The following CUBN variants were observed in gnomAD, a reference collection of about 807,000 sequenced individuals.
CUBN encodes the protein 460 kDa receptor.
Under a neutral mutation model 405.3 loss-of-function variants are expected in CUBN, and 282 were observed. The ratio of observed to expected loss-of-function variants is 0.70; its 90% CI spans 0.63 to 0.77. The LOEUF (loss-of-function observed/expected upper bound fraction) is 0.77. Ranked by LOEUF, CUBN falls within the 30% of genes least tolerant of loss-of-function variation. CUBN has a pLI of 0.00. For missense variants in CUBN, 4,514 were observed against 4,475.2 expected, an observed-to-expected ratio of 1.01 and a Z score of -0.25; for synonymous variants, 1,684 against 1,617.0, an observed-to-expected ratio of 1.04 and a Z score of -0.99.
At chr10:16,898,550 A>G (rs1021933873) in intron 54 of CUBN, among the ~76,000 whole-genome samples, 5 of 152,230 alleles carry the variant, frequency 3.3e-5, no homozygotes, top group African/African-American at 9.6e-5. Flanking sequence ...GTCACAAGTC[A>G]GTGGAAAGTG....
chr10:16,899,213 A>G lies in CUBN; in HGVS notation c.8411-30T>C, dbSNP rs775417163. On this transcript the variant is annotated intron_variant, in intron 53 of 66. Transcript: ENST00000377833. ...AATATTGCCATGTAAAAAGCCATCA[A>G]TCAGCAAGGAAAGTAATTTTGGAAA... 3 of 1,578,580 alleles carry G rather than the reference A, an allele frequency of 1.9e-6. No homozygotes were observed. In the South Asian group the frequency reaches 3.3e-5, roughly 17 times the overall value.
At chr10:16,940,514 A>C (rs551819557) in intron 36 of CUBN, among the ~76,000 whole-genome samples, 172 of 152,354 alleles carry the variant, frequency 1.1e-3, no homozygotes, top group South Asian at 2.1e-3. Context: ...ATAAGGCAGA[A>C]TAGTGTGAGT....
intron 14 of CUBN, among the ~76,000 whole-genome samples, chr10:17,092,069 T>C (rs1019644733): frequency 2.6e-5 from 4 of 152,190 alleles, no homozygotes; most frequent in Admixed American, 1.3e-4. Flanking sequence ...AACATCTTCC[T>C]GGCAAACCCC....
At chr10:16,904,157 T>G (rs780121128) in intron 50 of CUBN, 42 bp from the exon 51 acceptor site, 1 of 1,581,632 alleles carries the variant, frequency 6.3e-7, no homozygotes, top group South Asian at 1.1e-5. Flanking sequence ...TGATACAGCT[T>G]TTGAGAAATA....
chr10:17,103,270 A>T, intron 12 of CUBN, 33 bp from the exon 13 acceptor site: 1 of 1,375,158 alleles, frequency 7.3e-7, no homozygotes, highest in Non-Finnish European at 1.0e-6. Context: ...TGCTTTTCAG[A>T]GGTTCCTAAA....
intron 62 of CUBN, among the ~76,000 whole-genome samples, chr10:16,836,786 G>T (rs1045396493): frequency 1.3e-5 from 2 of 152,126 alleles, no homozygotes; most frequent in Non-Finnish European, 2.9e-5. Context: ...CCCTGATCCA[G>T]CCCTTGCTAC....
In CUBN at chr10:17,085,750, C is replaced by T. The variant is rs759953645; in HGVS notation, c.1957G>A (p.Gly653Ser). The change falls in exon 16 of 67, where the codon GGT (glycine) becomes AGT (serine). Residue 653 changes from glycine to serine, a missense_variant. Around this residue, in one of 5 missense-constraint regions of CUBN, gnomAD observed 1,448 missense variants for 1,388.0 expected, o/e 1.04. Transcript: ENST00000377833. ...AGAAGGGGGTCCTGATACAAAGGAC[C>T]ATCTCGAATCTAAAACAAAAGGATG... is the stretch of plus-strand genomic sequence containing the variant. ...CNKDYLEIRDGPLYQDPLLGK... is the reference protein window; with the variant it reads ...CNKDYLEIRDSPLYQDPLLGK... 3.5e-5 allele frequency: 56 copies of T among 1,613,700 alleles called. No homozygotes were observed. Among genetic ancestry groups the T allele is most frequent in the Non-Finnish European group, 2.5e-6 (3 of 1,179,888 alleles).
At chr10:16,976,438 T>C (rs1443172166) in intron 31 of CUBN, among the ~76,000 whole-genome samples, 2 of 152,180 alleles carry the variant, frequency 1.3e-5, no homozygotes, top group African/African-American at 4.8e-5. Context: ...TAACAAGCAA[T>C]CTGTTCCCCA....
chr10:17,126,682 A>T, intron 4 of CUBN, 79 bp downstream of exon 4: 1 of 1,468,600 alleles, frequency 6.8e-7, no homozygotes, highest in Non-Finnish European at 9.5e-7. Context: ...TTCACCTTCA[A>T]AATAAGAATA....
intron 10 of CUBN, among the ~76,000 whole-genome samples, chr10:17,106,118 C>T (rs1026119596): frequency 3.3e-5 from 5 of 152,064 alleles, no homozygotes; most frequent in Admixed American, 1.3e-4. Context: ...AACCCTGTCT[C>T]TACTAAAAAT....
intron 31 of CUBN, among the ~76,000 whole-genome samples, chr10:16,959,917 G>C (rs1277836285): frequency 6.6e-6 from 1 of 152,062 alleles, no homozygotes; most frequent in African/African-American, 2.4e-5. Context: ...TTTTCTGATC[G>C]TTACTTAAGT....
intron 31 of CUBN, among the ~76,000 whole-genome samples, chr10:16,975,651 A>C (rs565689645): frequency 0.022 from 1,486 of 68,536 alleles, 11 homozygotes; most frequent in Non-Finnish European, 0.033. Flanking sequence ...TTTTTTTTTG[A>C]GAAGGAGTCT....
chr10:17,045,297 C>T (rs553667263), intron 24 of CUBN, 109 bp from the exon 25 acceptor site: 2 of 1,054,902 alleles, frequency 1.9e-6, no homozygotes, highest in Non-Finnish European at 2.9e-6. Context: ...AATCAAATTG[C>T]ACAGCAAAAT....
intron 28 of CUBN, among the ~76,000 whole-genome samples, chr10:16,991,638 T>G (rs1833590409): frequency 1.3e-5 from 2 of 151,652 alleles, no homozygotes; most frequent in Non-Finnish European, 2.9e-5. Flanking sequence ...TCTGTTTTTT[T>G]TTTTTTTTAA....
At chr10:16,853,111 A>C (rs1191361553) in intron 59 of CUBN, among the ~76,000 whole-genome samples, 1 of 152,222 alleles carries the variant, frequency 6.6e-6, no homozygotes, top group Non-Finnish European at 1.5e-5. Flanking sequence ...CTCAGAACAT[A>C]AGATTTAGTT....
chr10:16,846,722 G>C (rs965782987), intron 60 of CUBN, among the ~76,000 whole-genome samples: 1 of 150,522 alleles, frequency 6.6e-6, no homozygotes, highest in Non-Finnish European at 1.5e-5. Flanking sequence ...CGAGGCAGGA[G>C]AATCACTTGA....
chr10:17,034,494 A>G (rs1834852388), intron 27 of CUBN, among the ~76,000 whole-genome samples: 1 of 152,178 alleles, frequency 6.6e-6, no homozygotes, highest in Admixed American at 6.5e-5. Flanking sequence ...GTGAGGATAA[A>G]ACAGGCTATC....
intron 27 of CUBN, among the ~76,000 whole-genome samples, chr10:17,025,766 T>A (rs762690606): frequency 1.4e-4 from 22 of 152,100 alleles, no homozygotes; most frequent in Non-Finnish European, 2.9e-4. Flanking sequence ...TGGAGGCCAA[T>A]CCTCGCAGTG....
At chr10:16,974,160 G>T (rs1217810082) in intron 31 of CUBN, among the ~76,000 whole-genome samples, 1 of 152,120 alleles carries the variant, frequency 6.6e-6, no homozygotes, top group East Asian at 1.9e-4. Flanking sequence ...ATCTGACCTA[G>T]GTCCTCTTAT....
Sources: allele counts gnomAD v4.1 joint callset (sites outside exome capture counted in the v4.1 genomes callset), GRCh38; gene constraint gnomAD v4.1.1; regional missense constraint gnomAD v4.1.1; transcripts MANE v1.5; gene names NCBI Gene and HGNC (gene_info 2026-07-23, HGNC 2026-07-21).